Variants in INPP4A observed in about 807,000 individuals in gnomAD.
The protein encoded by INPP4A is inositol polyphosphate-4-phosphatase type I A, also known as inositol polyphosphate-4-phosphatase, type I, 107kD.
In INPP4A, 33 loss-of-function variants were observed where a neutral mutation model predicts 119.8. The observed-to-expected ratio is 0.28, with a 90% confidence interval of 0.21 to 0.37. The LOEUF is 0.37. Ranked by LOEUF, INPP4A falls within the 10% of genes least tolerant of loss-of-function variation. The probability of loss-of-function intolerance (pLI) is 1.00; values close to 1 mark genes in which losing one functional copy is unlikely to be tolerated. For missense variants in INPP4A, 956 were observed against 1,289.9 expected (o/e 0.74, Z 3.97); for synonymous variants, 496 against 500.7 (o/e 0.99, Z 0.12).
At chr2:98,547,883 G>A (rs964418911) in intron 13 of INPP4A, among the ~76,000 whole-genome samples, 10 of 152,096 alleles carry the variant, frequency 6.6e-5, no homozygotes, top group Non-Finnish European at 1.5e-4. Context: ...GACTCAGCAA[G>A]CAAGCATGGA....
chr2:98,502,601 G>T (rs1276392448), intron 1 of INPP4A, among the ~76,000 whole-genome samples: 1 of 151,990 alleles, frequency 6.6e-6, no homozygotes, highest in Non-Finnish European at 1.5e-5. Context: ...TGTAAAATTT[G>T]GAGAAAGAGA....
At chr2:98,479,190 G>A (rs2105001374) in intron 1 of INPP4A, among the ~76,000 whole-genome samples, 2 of 152,192 alleles carry the variant, frequency 1.3e-5, no homozygotes, top group Middle Eastern at 6.8e-3. Flanking sequence ...CCCAAACTAG[G>A]CTACTTATTT....
In INPP4A at chr2:98,549,254, C is replaced by T. The variant is rs963782001; in HGVS notation, c.1163+2560C>T. ...GTTTCTCCCAGGAAGAGGAAGGGCC[C>T]GACCCAGGAAGCCCCTGGGTGCTGG... is the stretch of plus-strand genomic sequence containing the variant. On this transcript the variant is annotated intron_variant, in intron 13 of 24. Transcript: ENST00000409851. Among the ~76,000 whole-genome samples the T allele has an allele frequency of 3.3e-5, 5 of 152,134 alleles. No homozygotes were observed. In the East Asian group the frequency reaches 5.8e-4, roughly 18 times the overall value.
chr2:98,517,155 T>A (rs1245026574), intron 1 of INPP4A, among the ~76,000 whole-genome samples: 7 of 152,194 alleles, frequency 4.6e-5, no homozygotes, highest in Non-Finnish European at 2.9e-5. Flanking sequence ...CAGATTCGTT[T>A]GGCCTGTGCT....
At chr2:98,522,958 G>A (rs1314837107) in intron 4 of INPP4A, among the ~76,000 whole-genome samples, 4 of 152,206 alleles carry the variant, frequency 2.6e-5, no homozygotes, top group Non-Finnish European at 2.9e-5. Context: ...GCACAGAGTT[G>A]TACAGCAAAA....
In INPP4A at chr2:98,590,415, T is replaced by C. The variant is rs910956821; in HGVS notation, c.*2807T>C. ...AATCCTGGTTCTGCCCCTGACTGGCTGGTGACTCTGAGCAAGTTGCTTGAC... is the reference window on the plus strand; with the variant it reads ...AATCCTGGTTCTGCCCCTGACTGGCCGGTGACTCTGAGCAAGTTGCTTGAC... On this transcript the variant is annotated 3_prime_UTR_variant, in exon 25 of 25. Transcript: ENST00000409851. 2.1e-5 allele frequency: 4 copies of C among 187,824 alleles called. No homozygotes were observed. The highest frequency in any genetic ancestry group is 4.5e-5 in the Non-Finnish European group (4 of 89,182). 11.6% of individuals were successfully genotyped at this position (187,824 alleles called of 1,614,324 possible).
chr2:98,543,831 G>A (rs1203185277), intron 10 of INPP4A, 46 bp from the exon 11 acceptor site: 4 of 1,608,860 alleles, frequency 2.5e-6, no homozygotes, highest in African/African-American at 1.3e-5. Flanking sequence ...CCTCTCTGGG[G>A]AAACCAGTTA....
intron 16 of INPP4A, chr2:98,556,077 T>C (rs1290731492): frequency 2.2e-6 from 1 of 446,068 alleles, no homozygotes; most frequent in East Asian, 3.4e-5. Flanking sequence ...ACCATGGCTA[T>C]AAGGGTTGGG....
chr2:98,547,254 G>A (rs1461563372), intron 13 of INPP4A, among the ~76,000 whole-genome samples: 2 of 152,198 alleles, frequency 1.3e-5, no homozygotes, highest in African/African-American at 4.8e-5. Flanking sequence ...GACTGGCCTT[G>A]CTGCCAGCCT....
chr2:98,536,145 C>T lies in INPP4A; in HGVS notation c.404C>T (p.Ser135Phe), dbSNP rs1285447944. ...CTTCCTCAGATGTATTTACTGGGCT[C>T]TGGAACGTTCATTGTCAAAGATCTG... is the stretch of plus-strand genomic sequence containing the variant. ...RSQGTMYLLG[S>F]GTFIVKDLLQ... The change falls in exon 7 of 25, where the codon TCT (serine) becomes TTT (phenylalanine). Residue 135 changes from serine (S) to phenylalanine (F), a missense_variant. This residue lies in a region of INPP4A where 652 missense variants were observed against 797.9 expected (regional missense o/e 0.82). Transcript: ENST00000409851. 6.2e-7 allele frequency: 1 copy of T among 1,610,852 alleles called. No individual in the cohort carries two copies. Among genetic ancestry groups the T allele is most frequent in the East Asian group, 2.2e-5 (1 of 44,856 alleles).
chr2:98,528,170 G>A (rs1324452063), intron 4 of INPP4A, among the ~76,000 whole-genome samples: 1 of 152,204 alleles, frequency 6.6e-6, no homozygotes, highest in Non-Finnish European at 1.5e-5. Context: ...TGAGAACAGT[G>A]TCTCACCAAA....
intron 1 of INPP4A, among the ~76,000 whole-genome samples, chr2:98,501,089 G>A (rs1443136074): frequency 6.6e-6 from 1 of 152,228 alleles, no homozygotes; most frequent in African/African-American, 2.4e-5. Context: ...GGCCGGGGCA[G>A]GCGGATCACT....
chr2:98,468,146 G>A (rs1012484413), intron 1 of INPP4A, among the ~76,000 whole-genome samples: 2 of 152,206 alleles, frequency 1.3e-5, no homozygotes, highest in African/African-American at 2.4e-5. Flanking sequence ...AATCTTAGTG[G>A]ACTAATAGTA....
intron 24 of INPP4A, among the ~76,000 whole-genome samples, chr2:98,577,767 GTGTCTAC>G (rs1225164140): frequency 6.6e-6 from 1 of 152,218 alleles, no homozygotes; most frequent in Non-Finnish European, 1.5e-5. Context: ...GGAACTAAAA[GTGTCTAC>G]TGTTGATCGA....
At chr2:98,557,483 C>G (rs896417186) in intron 16 of INPP4A, among the ~76,000 whole-genome samples, 1 of 152,222 alleles carries the variant, frequency 6.6e-6, no homozygotes, top group African/African-American at 2.4e-5. Flanking sequence ...GTCCACAGTG[C>G]CACAGCATGG....
At position 98,490,634 on chromosome 2, in the gene INPP4A, C is replaced by A. The variant is rs3769722; in HGVS notation, c.-165-28330C>A. Among the ~76,000 whole-genome samples, 106 of 152,286 alleles carry A rather than the reference C, an allele frequency of 7.0e-4. 2 individuals carry two copies. In the East Asian group the frequency reaches 0.01, roughly 15 times the overall value. Reference sequence around the variant, plus strand: ...TTAGTCCTGACCCCTTTATTGTTCTCGTGGAGATACTTTCCTTCCTCTCTT... The same window carrying A: ...TTAGTCCTGACCCCTTTATTGTTCTAGTGGAGATACTTTCCTTCCTCTCTT... On this transcript the variant is annotated intron_variant, in intron 1 of 24. Coordinates refer to ENST00000409851, the MANE Select transcript of INPP4A (RefSeq NM_001134225.2).
Position 98,587,651 on chromosome 2 carries a change from G to A in INPP4A, c.*43G>A, listed in dbSNP as rs768181509. The A allele has an allele frequency of 2.0e-6, 3 of 1,496,748 alleles. No individual in the cohort carries two copies. The highest frequency in any genetic ancestry group is 4.2e-5 in the Admixed American group (2 of 47,230). The allele number at this position is 1,496,748 out of a possible 1,614,324, so 92.7% of individuals were successfully genotyped here. A position where few individuals can be genotyped will look rare whatever the true frequency, so the allele number is the denominator to read the frequency against. ...ATTAGCTGTTACATAATAAATGTGG[G>A]TACCCTCTAGTGTCATATATGAATT... On this transcript the variant is annotated 3_prime_UTR_variant, in exon 25 of 25. Coordinates refer to ENST00000409851, the MANE Select transcript of INPP4A (RefSeq NM_001134225.2).
intron 10 of INPP4A, among the ~76,000 whole-genome samples, chr2:98,540,870 G>A (rs1468165414): frequency 6.6e-6 from 1 of 152,150 alleles, no homozygotes; most frequent in African/African-American, 2.4e-5. Context: ...GAACTTTGGG[G>A]GATAGTCTCA....
intron 1 of INPP4A, among the ~76,000 whole-genome samples, chr2:98,500,692 A>G (rs1682951430): frequency 6.6e-6 from 1 of 152,174 alleles, no homozygotes; most frequent in Non-Finnish European, 1.5e-5. Flanking sequence ...AACCCACCTA[A>G]CAGGATTCTT....
Sources: allele counts gnomAD v4.1 joint callset (sites outside exome capture counted in the v4.1 genomes callset), GRCh38; gene constraint gnomAD v4.1.1; regional missense constraint gnomAD v4.1.1; transcripts MANE v1.5; gene names NCBI Gene and HGNC (gene_info 2026-07-23, HGNC 2026-07-21).